The following PTGER3 variants were observed in gnomAD, a reference collection of about 807,000 sequenced individuals.
PTGER3 encodes prostaglandin E2 receptor EP3 subtype.
In PTGER3, 22 loss-of-function variants were observed where a neutral mutation model predicts 34.7. The ratio of observed to expected loss-of-function variants is 0.63; its 90% CI spans 0.45 to 0.91. PTGER3 has a LOEUF of 0.91. PTGER3 is among the 40% of genes least tolerant of loss of function. The pLI is 0.00. For missense variants in PTGER3, 468 were observed against 519.4 expected, an observed-to-expected ratio of 0.90 and a Z score of 0.96; for synonymous variants, 241 against 230.1, an observed-to-expected ratio of 1.05 and a Z score of -0.43.
intron 2 of PTGER3, chr1:71,008,348 T>G (rs1557735693): frequency 4.6e-6 from 4 of 864,372 alleles, no homozygotes; most frequent in Admixed American, 6.2e-5. Flanking sequence ...TAGAGAATCA[T>G]AATGCACTCT....
chr1:71,014,135 G>GT (rs201866660), intron 1 of PTGER3, among the ~76,000 whole-genome samples: 88 of 150,910 alleles, frequency 5.8e-4, no homozygotes, highest in East Asian at 4.3e-3. Flanking sequence ...GTGGCTTGTG[G>GT]TTTTTTTTTG....
intron 4 of PTGER3, among the ~76,000 whole-genome samples, chr1:70,861,697 T>G (rs1160582356): frequency 6.6e-6 from 1 of 151,642 alleles, no homozygotes; most frequent in Non-Finnish European, 1.5e-5. Context: ...CATGGTTCCA[T>G]TAGCAAAAAA....
chr1:70,968,922 G>C (rs1260314424), downstream of PTGER3, among the ~76,000 whole-genome samples: 5 of 151,900 alleles, frequency 3.3e-5, no homozygotes, highest in African/African-American at 1.2e-4. Context: ...AAAACTTCAT[G>C]TGGGCTGAGC....
At chr1:70,987,534 A>G (rs1361691597) in intron 2 of PTGER3, among the ~76,000 whole-genome samples, 1 of 152,204 alleles carries the variant, frequency 6.6e-6, no homozygotes, top group Non-Finnish European at 1.5e-5. Flanking sequence ...TCCATGATAA[A>G]TCGATTCTTA....
chr1:70,971,030 T>C lies in PTGER3; in HGVS notation c.*700A>G. ...ACCTCAAATTTGTTTTTTATGACACTCCAAGGATGCCCTTAGCTGCATCAC... is the reference window on the plus strand; with the variant it reads ...ACCTCAAATTTGTTTTTTATGACACCCCAAGGATGCCCTTAGCTGCATCAC... On this transcript the variant is annotated 3_prime_UTR_variant, in exon 4 of 4. Coordinates refer to ENST00000306666, the MANE Select transcript of PTGER3 (RefSeq NM_198719.2). 1.0e-6 allele frequency: 1 copy of C among 985,310 alleles called. No homozygotes were observed. Among genetic ancestry groups the C allele is most frequent in the Middle Eastern group, 5.2e-4 (1 of 1,914 alleles). The allele number at this position is 985,310 out of a possible 1,614,324, so 61.0% of individuals were successfully genotyped here. A position where few individuals can be genotyped will look rare whatever the true frequency, so the allele number is the denominator to read the frequency against.
At chr1:71,008,340 G>T (rs1657148751) in intron 2 of PTGER3, 1 of 866,960 alleles carries the variant, frequency 1.2e-6, no homozygotes, top group Non-Finnish European at 1.4e-6. Flanking sequence ...TATATTTCTA[G>T]AGAATCATAA....
chr1:70,956,065 A>AT (rs1651299509), intron 2 of PTGER3, among the ~76,000 whole-genome samples: 1 of 152,172 alleles, frequency 6.6e-6, no homozygotes, highest in Non-Finnish European at 1.5e-5. Context: ...GAAAGAGTTA[A>AT]TTTTTTGTAT....
intron 1 of PTGER3, among the ~76,000 whole-genome samples, chr1:71,039,027 G>A (rs1267635105): frequency 3.3e-5 from 5 of 152,196 alleles, no homozygotes; most frequent in Non-Finnish European, 7.3e-5. Context: ...GACCCTGACT[G>A]GAAAGAGCTC....
At chr1:70,936,387 G>A (rs1376341491) in intron 4 of PTGER3, among the ~76,000 whole-genome samples, 1 of 152,178 alleles carries the variant, frequency 6.6e-6, no homozygotes, top group Non-Finnish European at 1.5e-5. Flanking sequence ...AGCAGGCACA[G>A]CAATGTTTTA....
chr1:71,035,078 A>C (rs1009832554), intron 1 of PTGER3, among the ~76,000 whole-genome samples: 6 of 152,244 alleles, frequency 3.9e-5, no homozygotes, highest in Non-Finnish European at 8.8e-5. Context: ...AAGGGTGTTC[A>C]ACAAAGTGTA....
At chr1:70,880,604 C>A (rs1646369389) in intron 4 of PTGER3, among the ~76,000 whole-genome samples, 1 of 149,902 alleles carries the variant, frequency 6.7e-6, no homozygotes, top group East Asian at 2.0e-4. Flanking sequence ...GCAGGAGAAT[C>A]TTTTGAACCC....
rs59163586 is a variant in PTGER3 at position 70,917,403 on chromosome 1, T to TTGTGTGTGTGTGTGTGTGTG, written c.*23+36340_*23+36359dup. 3.3e-3 allele frequency among the ~76,000 whole-genome samples: 445 copies of TTGTGTGTGTGTGTGTGTGTG among 136,346 alleles called. 4 individuals carry two copies. The highest frequency in any genetic ancestry group is 0.01 in the South Asian group (42 of 4,010). 89.4% of individuals were successfully genotyped at this position (136,346 alleles called of 152,430 possible). A position where few individuals can be genotyped will look rare whatever the true frequency, so the allele number is the denominator to read the frequency against. ...TTTTATGGCTAAATAGTATTTTATT[T>TTGTGTGTGTGTGTGTGTGTG]TGTGTGTGTGTGTGTGTGTGTGTGT... On this transcript the variant is annotated intron_variant, in intron 4 of 4. Coordinates refer to the PTGER3 transcript ENST00000370931.
chr1:70,982,294 C>T (rs1654455586), intron 2 of PTGER3, among the ~76,000 whole-genome samples: 1 of 152,172 alleles, frequency 6.6e-6, no homozygotes, highest in Non-Finnish European at 1.5e-5. Flanking sequence ...CAGTCTTACA[C>T]CTGCTGCCTC....
At chr1:70,916,799 C>A (rs1319110465) in intron 4 of PTGER3, among the ~76,000 whole-genome samples, 3 of 151,810 alleles carry the variant, frequency 2.0e-5, no homozygotes, top group Admixed American at 6.6e-5. Flanking sequence ...TTGCAATATA[C>A]CCATATAAAA....
chr1:70,925,691 T>C (rs78687619), intron 4 of PTGER3, among the ~76,000 whole-genome samples: 1,559 of 152,248 alleles, frequency 0.01, 68 homozygotes, highest in East Asian at 0.077. Context: ...AATACATATG[T>C]TGTAAATACA....
At chr1:70,963,145 G>A (rs1347889694) in intron 2 of PTGER3, among the ~76,000 whole-genome samples, 3 of 152,166 alleles carry the variant, frequency 2.0e-5, no homozygotes, top group African/African-American at 4.8e-5. Context: ...TCCAGGTCAC[G>A]CCAATGCAAA....
At chr1:71,005,473 T>C (rs1656871939) in intron 2 of PTGER3, among the ~76,000 whole-genome samples, 1 of 152,238 alleles carries the variant, frequency 6.6e-6, no homozygotes, top group African/African-American at 2.4e-5. Flanking sequence ...CACGTTTCCA[T>C]GTATTCTCAT....
intron 2 of PTGER3, among the ~76,000 whole-genome samples, chr1:70,985,830 G>C (rs914101445): frequency 6.6e-6 from 1 of 152,116 alleles, no homozygotes. Context: ...CAGTAGTGAC[G>C]GTCTCAAGTA....
downstream of PTGER3, among the ~76,000 whole-genome samples, chr1:70,947,969 A>G (rs141663983): frequency 7.2e-3 from 1,090 of 152,292 alleles, 14 homozygotes; most frequent in African/African-American, 0.025. Flanking sequence ...AGTAATCAAA[A>G]CATAATTAAG....
Sources: gnomAD v4.1 joint callset for allele counts (sites outside exome capture counted in the v4.1 genomes callset) on GRCh38, gnomAD v4.1.1 for gene constraint, MANE v1.5 for transcripts, NCBI Gene and HGNC (gene_info 2026-07-23, HGNC 2026-07-21) for gene names.